The following GALC variants were observed in gnomAD, a reference collection of about 807,000 sequenced individuals.
GALC encodes the protein galactosylceramidase.
GALC carries 77 observed loss-of-function variants against 91.8 expected under a neutral mutation model. That is an observed-to-expected ratio of 0.84 (90% CI 0.70 to 1.01). GALC has a LOEUF of 1.01. Among genes scored for constraint, GALC ranks in the 50% least tolerant of loss-of-function variants. The probability of loss-of-function intolerance (pLI) is 0.00; values close to 1 mark genes in which losing one functional copy is unlikely to be tolerated. For synonymous variants in GALC, 357 were observed against 306.7 expected, an observed-to-expected ratio of 1.16 and a Z score of -1.71; for missense variants, 882 against 855.9, an observed-to-expected ratio of 1.03 and a Z score of -0.38.
chr14:87,968,470 T>C lies in GALC; in HGVS notation c.773A>G (p.His258Arg), dbSNP rs1289745535. 1 of 1,613,582 alleles carries C rather than the reference T, an allele frequency of 6.2e-7. No individual in the cohort carries two copies. The highest frequency in any genetic ancestry group is 8.5e-7 in the Non-Finnish European group (1 of 1,179,840). ...AGTCAACTTTGCATCTTTTGCTGAA[T>C]GGGTTCCAGGATAATGAGCCCTAGA... is the stretch of plus-strand genomic sequence containing the variant. The part of the protein sequence containing the change: ...DVIGAHYPGT[H>R]SAKDAKLTGK... Residue 258 changes from histidine to arginine, a missense_variant, in exon 8 of 17, where the codon CAT becomes CGT. By Grantham distance (29) the His-to-Arg change is conservative (BLOSUM62 0). Coordinates refer to ENST00000261304, the MANE Select transcript of GALC (RefSeq NM_000153.4).
chr14:87,991,510 T>G (rs973780955), intron 1 of GALC, among the ~76,000 whole-genome samples: 3 of 152,190 alleles, frequency 2.0e-5, no homozygotes, highest in African/African-American at 7.2e-5. Context: ...CCCTACATTC[T>G]TAACTACTTA....
intron 8 of GALC, among the ~76,000 whole-genome samples, chr14:87,966,082 T>C (rs1595215755): frequency 6.6e-6 from 1 of 152,154 alleles, no homozygotes; most frequent in African/African-American, 2.4e-5. Flanking sequence ...AATTGAGAAT[T>C]ATTGGAGTCA....
chr14:87,972,308 A>C (rs1003879701), intron 7 of GALC, among the ~76,000 whole-genome samples: 1 of 152,188 alleles, frequency 6.6e-6, no homozygotes, highest in Admixed American at 6.5e-5. Flanking sequence ...ATTTAAATAA[A>C]GTTTTTAAAC....
At chr14:87,952,038 T>C (rs1885331124) in intron 10 of GALC, among the ~76,000 whole-genome samples, 1 of 151,628 alleles carries the variant, frequency 6.6e-6, no homozygotes, top group Admixed American at 6.6e-5. Context: ...AAATACCACT[T>C]GTTCCCCAAA....
At chr14:87,952,730 CTG>C in intron 10 of GALC, 1 of 1,518,066 alleles carries the variant, frequency 6.6e-7, no homozygotes. Context: ...ACTTAGCAAA[CTG>C]TATGAATAGA....
At chr14:87,954,042 G>A in intron 10 of GALC, 1 of 1,609,772 alleles carries the variant, frequency 6.2e-7, no homozygotes, top group Non-Finnish European at 8.5e-7. Flanking sequence ...CCAATGGGTT[G>A]GCGAGACAGT....
intron 12 of GALC, 96 bp downstream of exon 12, chr14:87,949,749 T>C: frequency 1.4e-6 from 1 of 705,308 alleles, no homozygotes; most frequent in Non-Finnish European, 2.6e-6. Flanking sequence ...CACACAAACT[T>C]ATAAAAATAA....
chr14:87,952,511 C>T (rs1885353893), intron 10 of GALC: 5 of 675,682 alleles, frequency 7.4e-6, no homozygotes, highest in African/African-American at 5.4e-5. Flanking sequence ...CTGTTGAGAA[C>T]CACCCAGCCT....
chr14:87,943,133 G>C lies in GALC; in HGVS notation c.1671-1575C>G, dbSNP rs1214262358. Among the ~76,000 whole-genome samples, 3 of 152,006 alleles carry C rather than the reference G, an allele frequency of 2.0e-5. 1 individual carries two copies. Among genetic ancestry groups the C allele is most frequent in the Non-Finnish European group, 4.4e-5 (3 of 67,958 alleles). On this transcript the variant is annotated intron_variant, in intron 14 of 16. Transcript: ENST00000261304. The stretch of plus-strand genomic sequence containing the variant: ...AATTTCACAGATAATGAATGAAATG[G>C]AATAAAAGTGTGGTTTATTCTTCCA...
At chr14:87,962,383 C>T (rs1366756592) in intron 10 of GALC, among the ~76,000 whole-genome samples, 1 of 152,078 alleles carries the variant, frequency 6.6e-6, no homozygotes, top group Non-Finnish European at 1.5e-5. Flanking sequence ...CACGATAAGA[C>T]ATAAAAGGCT....
intron 8 of GALC, among the ~76,000 whole-genome samples, chr14:87,966,296 G>T (rs1162353828): frequency 1.3e-5 from 2 of 152,134 alleles, no homozygotes; most frequent in Non-Finnish European, 1.5e-5. Context: ...TTGCTGATCT[G>T]CTTTGTGGCC....
intron 7 of GALC, among the ~76,000 whole-genome samples, chr14:87,974,697 A>G (rs1337321445): frequency 6.6e-6 from 1 of 152,168 alleles, no homozygotes; most frequent in Admixed American, 6.5e-5. Context: ...TAGTCAAGAA[A>G]AAAGCGAAGG....
chr14:87,993,494 C>G (rs1446143795), upstream of GALC: 2 of 1,534,734 alleles, frequency 1.3e-6, no homozygotes, highest in Non-Finnish European at 8.7e-7. Context: ...GGCTCTTCCC[C>G]AGCATCTCAG....
intron 9 of GALC, among the ~76,000 whole-genome samples, chr14:87,965,222 C>G (rs1243670201): frequency 6.6e-6 from 1 of 151,946 alleles, no homozygotes; most frequent in Admixed American, 6.6e-5. Flanking sequence ...TAATTATATC[C>G]TTAGATGATT....
chr14:87,936,896 C>CTCTATATATATATATATATATA (rs1555378201), intron 16 of GALC, among the ~76,000 whole-genome samples: 1 of 3,550 alleles, frequency 2.8e-4, no homozygotes, highest in East Asian at 7.6e-3. Flanking sequence ...ATATCAGGTA[C>CTCTATATATATATATATATATA]TATATATATA....
intron 15 of GALC, 122 bp downstream of exon 15, chr14:87,941,273 C>G: frequency 1.4e-6 from 1 of 704,592 alleles, no homozygotes; most frequent in Non-Finnish European, 2.5e-6. Context: ...CATCCCTTCC[C>G]AATTAGATGT....
chr14:87,956,617 CACA>C (rs1566982455), intron 10 of GALC, among the ~76,000 whole-genome samples: 4 of 135,260 alleles, frequency 3.0e-5, no homozygotes, highest in South Asian at 2.2e-4. Flanking sequence ...CACACACACA[CACA>C]CCATATATAT....
At chr14:87,962,193 C>G (rs1322015858) in intron 10 of GALC, among the ~76,000 whole-genome samples, 2 of 152,168 alleles carry the variant, frequency 1.3e-5, no homozygotes, top group Non-Finnish European at 2.9e-5. Flanking sequence ...AGTTTACCAA[C>G]TATCGCCAGC....
At chr14:87,974,796 A>C (rs1426939453) in intron 7 of GALC, among the ~76,000 whole-genome samples, 2 of 152,082 alleles carry the variant, frequency 1.3e-5, no homozygotes, top group African/African-American at 4.8e-5. Flanking sequence ...GCCACAGTGC[A>C]ATAAAATTAG....
Sources: gnomAD v4.1 joint callset for allele counts (sites outside exome capture counted in the v4.1 genomes callset) on GRCh38, gnomAD v4.1.1 for gene constraint, MANE v1.5 for transcripts, NCBI Gene and HGNC (gene_info 2026-07-23, HGNC 2026-07-21) for gene names.